ADAMTS19: variants seen among roughly 807,000 people sequenced by gnomAD.
ADAMTS19 encodes ADAM metallopeptidase with thrombospondin type 1 motif 19.
A neutral mutation model predicts 153.3 loss-of-function variants in ADAMTS19; 93 were observed. The observed-to-expected ratio is 0.61, with a 90% confidence interval of 0.51 to 0.72. The LOEUF (loss-of-function observed/expected upper bound fraction) is 0.72. ADAMTS19 is among the 30% of genes least tolerant of loss of function. The probability of loss-of-function intolerance (pLI) is 0.00; values close to 1 mark genes in which losing one functional copy is unlikely to be tolerated. For synonymous variants in ADAMTS19, 600 were observed against 556.6 expected (o/e 1.08, Z -1.10); for missense variants, 1,482 against 1,552.1 (o/e 0.95, Z 0.76).
chr5:129,644,155 T>G lies in ADAMTS19; in HGVS notation c.1872+2195T>G, dbSNP rs1046439087. On this transcript the variant is annotated intron_variant, in intron 11 of 22. Coordinates refer to ENST00000274487, the MANE Select transcript of ADAMTS19 (RefSeq NM_133638.6). The stretch of plus-strand genomic sequence containing the variant: ...AATTACTAAACAAAAGTAAAAAGTT[T>G]TATTTTCCTATAATTGTGTTAATGA... 1.1e-3 allele frequency among the ~76,000 whole-genome samples: 169 copies of G among 152,332 alleles called. 1 individual carries two copies. Among genetic ancestry groups the G allele is most frequent in the African/African-American group, 4.0e-3 (165 of 41,578 alleles).
chr5:129,461,615 G>T lies in ADAMTS19; in HGVS notation c.605G>T (p.Arg202Leu). ...FLAPRFAVEQ[R>L]PNPGPGPTGA... ...GCGCCGCGCTTCGCAGTGGAACAGC[G>T]GCCAAATCCCGGCCCCGGCCCCACG... The change falls in exon 2 of 23, where the codon CGG becomes CTG. Residue 202 changes from arginine to leucine, a missense_variant. Around this residue, in one of 2 missense-constraint regions of ADAMTS19, gnomAD observed 866 missense variants for 827.7 expected, o/e 1.05. Coordinates refer to ENST00000274487, the MANE Select transcript of ADAMTS19 (RefSeq NM_133638.6). The surrounding 1 kb of genome is among the most constrained non-coding windows in gnomAD (Gnocchi z 4.6). The T allele has an allele frequency of 1.3e-6, 2 of 1,563,346 alleles. No homozygotes were observed. Among genetic ancestry groups the T allele is most frequent in the Non-Finnish European group, 1.7e-6 (2 of 1,156,784 alleles).
intron 2 of ADAMTS19, among the ~76,000 whole-genome samples, chr5:129,485,758 C>G (rs1336550012): frequency 6.6e-6 from 1 of 151,966 alleles, no homozygotes; most frequent in Non-Finnish European, 1.5e-5. Context: ...AAATGTAGAA[C>G]ATGGTGGAGC....
At chr5:129,671,160 C>A (rs181823400) in intron 16 of ADAMTS19, among the ~76,000 whole-genome samples, 1 of 152,282 alleles carries the variant, frequency 6.6e-6, no homozygotes, top group Admixed American at 6.5e-5. Context: ...TGCCTTGGAG[C>A]ACACATTCTT....
chr5:129,702,929 C>CAAA (rs376208133), intron 20 of ADAMTS19, among the ~76,000 whole-genome samples: 533 of 43,730 alleles, frequency 0.012, 12 homozygotes, highest in East Asian at 0.014. Flanking sequence ...TTTGACTTGC[C>CAAA]AAAAAAAAAA....
At chr5:129,551,438 T>C (rs1350583701) in intron 6 of ADAMTS19, among the ~76,000 whole-genome samples, 3 of 151,738 alleles carry the variant, frequency 2.0e-5, no homozygotes, top group African/African-American at 7.2e-5. Flanking sequence ...ATAGAAAATA[T>C]TATGTTGTTT....
At chr5:129,499,125 A>G (rs532060610) in intron 2 of ADAMTS19, among the ~76,000 whole-genome samples, 40 of 152,064 alleles carry the variant, frequency 2.6e-4, no homozygotes, top group East Asian at 7.7e-4. Flanking sequence ...TTCGCTCCCT[A>G]TATTTAACAT....
At chr5:129,508,157 G>T (rs1337891789) in intron 2 of ADAMTS19, among the ~76,000 whole-genome samples, 1 of 151,848 alleles carries the variant, frequency 6.6e-6, no homozygotes, top group African/African-American at 2.4e-5. Flanking sequence ...TAAGAACTTT[G>T]ATATTAGCAG....
intron 7 of ADAMTS19, among the ~76,000 whole-genome samples, chr5:129,553,389 T>C (rs1240641045): frequency 6.6e-6 from 1 of 152,166 alleles, no homozygotes. Context: ...TGTGTGTATA[T>C]TTGTGATATA....
At chr5:129,548,226 G>A (rs1752933195) in intron 6 of ADAMTS19, among the ~76,000 whole-genome samples, 1 of 149,570 alleles carries the variant, frequency 6.7e-6, no homozygotes, top group African/African-American at 2.5e-5. Context: ...ACTACCATCA[G>A]AGTGAACAGG....
At chr5:129,719,339 C>T (rs537252799) in intron 21 of ADAMTS19, among the ~76,000 whole-genome samples, 23 of 152,092 alleles carry the variant, frequency 1.5e-4, no homozygotes, top group East Asian at 1.9e-4. Flanking sequence ...CCTAAATCTA[C>T]GCATTTATTT....
At chr5:129,573,810 A>G (rs1213242270) in intron 7 of ADAMTS19, among the ~76,000 whole-genome samples, 3 of 152,042 alleles carry the variant, frequency 2.0e-5, no homozygotes, top group Non-Finnish European at 4.4e-5. Context: ...GACTTTAATT[A>G]TAGCATTTTG....
intron 2 of ADAMTS19, among the ~76,000 whole-genome samples, chr5:129,489,183 T>G (rs1207494949): frequency 6.6e-6 from 1 of 152,146 alleles, no homozygotes; most frequent in Admixed American, 6.5e-5. Context: ...AATTAGGGCT[T>G]TGGCACTGTT....
intron 20 of ADAMTS19, 128 bp downstream of exon 20, chr5:129,701,720 A>T (rs199901906): frequency 2.7e-5 from 4 of 150,414 alleles, no homozygotes; most frequent in Non-Finnish European, 2.2e-5. Flanking sequence ...AATTTTGTTG[A>T]TGATTAAAGG....
intron 7 of ADAMTS19, among the ~76,000 whole-genome samples, chr5:129,595,546 C>G (rs931941096): frequency 1.2e-4 from 18 of 152,174 alleles, no homozygotes; most frequent in African/African-American, 4.3e-4. Context: ...AGGGTAAGCT[C>G]TGCATTAAAT....
chr5:129,559,489 T>A (rs1753425851), intron 7 of ADAMTS19, among the ~76,000 whole-genome samples: 1 of 152,126 alleles, frequency 6.6e-6, no homozygotes, highest in South Asian at 2.1e-4. Context: ...TTGATGAAAT[T>A]AAAATCTTAC....
chr5:129,544,676 A>C (rs1362044991), intron 6 of ADAMTS19, among the ~76,000 whole-genome samples: 1 of 152,162 alleles, frequency 6.6e-6, no homozygotes, highest in African/African-American at 2.4e-5. Flanking sequence ...TCCCTGAGGG[A>C]GTTTTTTGAA....
intron 18 of ADAMTS19, among the ~76,000 whole-genome samples, chr5:129,690,054 A>C (rs1052650392): frequency 6.6e-6 from 1 of 152,206 alleles, no homozygotes; most frequent in East Asian, 1.9e-4. Flanking sequence ...TATAGAAAGC[A>C]CTGACAGCTT....
intron 7 of ADAMTS19, among the ~76,000 whole-genome samples, chr5:129,590,454 G>A (rs1196465776): frequency 6.6e-6 from 1 of 152,094 alleles, no homozygotes; most frequent in Non-Finnish European, 1.5e-5. Flanking sequence ...TATCTTATTT[G>A]ATCAGAGATT....
At chr5:129,573,791 T>C (rs1394393745) in intron 7 of ADAMTS19, among the ~76,000 whole-genome samples, 1 of 151,938 alleles carries the variant, frequency 6.6e-6, no homozygotes, top group Non-Finnish European at 1.5e-5. Context: ...TTCTTTACTG[T>C]TAACAATTGA....
Sources: gnomAD v4.1 joint callset for allele counts (sites outside exome capture counted in the v4.1 genomes callset) on GRCh38, gnomAD v4.1.1 for gene constraint, gnomAD v4.1.1 regional missense constraint, Gnocchi (gnomAD v3.1) non-coding constraint, MANE v1.5 for transcripts, NCBI Gene and HGNC (gene_info 2026-07-23, HGNC 2026-07-21) for gene names.